The following RTN4RL1 variants were observed in gnomAD, a reference collection of about 807,000 sequenced individuals.
RTN4RL1 encodes reticulon-4 receptor-like 1.
Under a neutral mutation model 25.6 loss-of-function variants are expected in RTN4RL1, and 7 were observed. That is an observed-to-expected ratio of 0.27 (90% confidence interval 0.16 to 0.51). RTN4RL1 has a LOEUF of 0.51. Among genes scored for constraint, RTN4RL1 ranks in the 20% least tolerant of loss-of-function variants. RTN4RL1 has a pLI of 0.97. For synonymous variants in RTN4RL1, 297 were observed against 288.2 expected, an observed-to-expected ratio of 1.03 and a Z score of -0.31; for missense variants, 500 against 615.6, an observed-to-expected ratio of 0.81 and a Z score of 1.99.
chr17:1,969,294 T>A lies in RTN4RL1; in HGVS notation c.14-31486A>T, dbSNP rs1473189189. On this transcript the variant is annotated intron_variant, in intron 1 of 1. Coordinates refer to ENST00000331238, the MANE Select transcript of RTN4RL1 (RefSeq NM_178568.4). Reference sequence around the variant, plus strand: ...GGCTAGTCTTGAACTCCTGACCTTGTGATCCACCCGCCTCGGCCTCCCAAA... The same window carrying A: ...GGCTAGTCTTGAACTCCTGACCTTGAGATCCACCCGCCTCGGCCTCCCAAA... Among the ~76,000 whole-genome samples the A allele has an allele frequency of 2.0e-5, 3 of 152,200 alleles. No individual in the cohort carries two copies. The East Asian group carries it at 5.8e-4, about 29-fold the overall frequency.
intron 1 of RTN4RL1, among the ~76,000 whole-genome samples, chr17:1,947,437 C>A (rs1915580010): frequency 6.6e-6 from 1 of 152,030 alleles, no homozygotes; most frequent in African/African-American, 2.4e-5. Context: ...CTGTTCTGGG[C>A]AGAGCCACCC....
chr17:1,988,403 C>CAAAAA (rs398030159), intron 1 of RTN4RL1, among the ~76,000 whole-genome samples: 1 of 77,208 alleles, frequency 1.3e-5, no homozygotes, highest in African/African-American at 5.3e-5. Flanking sequence ...GACTCCGCCT[C>CAAAAA]AAAAAAAAAA....
intron 1 of RTN4RL1, among the ~76,000 whole-genome samples, chr17:1,957,852 A>G (rs1201337347): frequency 7.4e-6 from 1 of 135,716 alleles, no homozygotes; most frequent in East Asian, 2.1e-4. Context: ...TCAAACAACA[A>G]CAACAAAACA....
intron 1 of RTN4RL1, among the ~76,000 whole-genome samples, chr17:1,955,525 C>T (rs977222732): frequency 1.3e-5 from 2 of 151,168 alleles, no homozygotes; most frequent in African/African-American, 4.9e-5. Context: ...CACTGCACTC[C>T]AGCCTGGGTA....
chr17:1,977,086 A>G (rs879461929), intron 1 of RTN4RL1, among the ~76,000 whole-genome samples: 2 of 152,190 alleles, frequency 1.3e-5, no homozygotes, highest in Non-Finnish European at 2.9e-5. Flanking sequence ...TGTTTATGGC[A>G]GGTGATAGAT....
chr17:1,961,342 C>T (rs1235593529), intron 1 of RTN4RL1, among the ~76,000 whole-genome samples: 4 of 152,350 alleles, frequency 2.6e-5, no homozygotes, highest in South Asian at 4.1e-4. Flanking sequence ...CGGGGCAGGG[C>T]ATTCCAGGCA....
At chr17:1,967,321 G>A (rs1299911300) in intron 1 of RTN4RL1, among the ~76,000 whole-genome samples, 2 of 152,192 alleles carry the variant, frequency 1.3e-5, no homozygotes, top group Admixed American at 6.5e-5. Context: ...TTCCGCCGGA[G>A]GCCAAGGCTT....
At chr17:2,011,643 G>C (rs1304810220) in intron 1 of RTN4RL1, among the ~76,000 whole-genome samples, 1 of 152,172 alleles carries the variant, frequency 6.6e-6, no homozygotes, top group Non-Finnish European at 1.5e-5. Flanking sequence ...TGGAGGCTTT[G>C]GGAGTCCAGG....
At chr17:2,023,305 G>T (rs889504783) in intron 1 of RTN4RL1, among the ~76,000 whole-genome samples, 1 of 152,168 alleles carries the variant, frequency 6.6e-6, no homozygotes, top group African/African-American at 2.4e-5. Flanking sequence ...AGCACTGCTC[G>T]GTTGCTGAAA....
At chr17:1,972,083 A>C (rs992201173) in intron 1 of RTN4RL1, among the ~76,000 whole-genome samples, 2 of 151,970 alleles carry the variant, frequency 1.3e-5, no homozygotes, top group Non-Finnish European at 2.9e-5. Flanking sequence ...GGCTGCAGTG[A>C]ACTGTGATCA....
intron 1 of RTN4RL1, among the ~76,000 whole-genome samples, chr17:2,016,170 T>C (rs1337931642): frequency 6.6e-6 from 1 of 152,068 alleles, no homozygotes; most frequent in Non-Finnish European, 1.5e-5. Context: ...CACCTGAGGT[T>C]AGGAGTTCAA....
At chr17:1,993,224 G>A (rs1055054478) in intron 1 of RTN4RL1, among the ~76,000 whole-genome samples, 2 of 152,094 alleles carry the variant, frequency 1.3e-5, no homozygotes, top group Non-Finnish European at 2.9e-5. Context: ...CTCCAGCCTG[G>A]GTGACAGAGC....
At chr17:1,979,665 G>A (rs1339462489) in intron 1 of RTN4RL1, among the ~76,000 whole-genome samples, 1 of 152,116 alleles carries the variant, frequency 6.6e-6, no homozygotes, top group Admixed American at 6.5e-5. Flanking sequence ...TAAGATCTCT[G>A]CCTTCCTGAA....
At position 1,935,823 on chromosome 17, in the gene RTN4RL1, GC is replaced by G. The variant is rs1915291329; in HGVS notation, c.*672del. The G allele has an allele frequency of 1.0e-6, 1 of 982,712 alleles. No individual in the cohort carries two copies. The highest frequency in any genetic ancestry group is 1.2e-6 in the Non-Finnish European group (1 of 829,168). 60.9% of individuals were successfully genotyped at this position (982,712 alleles called of 1,614,324 possible). A position where few individuals can be genotyped will look rare whatever the true frequency, so the allele number is the denominator to read the frequency against. ...CTGCACCTTCTGTGAGAACCTCATT[GC>G]CCGGGATGAAGTTCTAGATTTCAGC... On this transcript the variant is annotated 3_prime_UTR_variant, in exon 2 of 2. Coordinates refer to ENST00000331238, the MANE Select transcript of RTN4RL1 (RefSeq NM_178568.4).
chr17:1,988,569 C>A (rs1482714853), intron 1 of RTN4RL1, among the ~76,000 whole-genome samples: 7 of 151,420 alleles, frequency 4.6e-5, no homozygotes, highest in African/African-American at 1.7e-4. Context: ...GATGGAACAT[C>A]CCTCCCCTCT....
At chr17:1,955,291 G>A (rs1427907488) in intron 1 of RTN4RL1, among the ~76,000 whole-genome samples, 2 of 152,096 alleles carry the variant, frequency 1.3e-5, no homozygotes, top group East Asian at 3.9e-4. Flanking sequence ...TGAGGTGGCT[G>A]ACACTTGTAA....
At chr17:1,956,732 C>T (rs1435587853) in intron 1 of RTN4RL1, among the ~76,000 whole-genome samples, 21 of 140,650 alleles carry the variant, frequency 1.5e-4, no homozygotes, top group Non-Finnish European at 4.6e-5. Flanking sequence ...GCATACCTGT[C>T]GGGAACTTTT....
In RTN4RL1 at chr17:1,951,312, G is replaced by A. The variant is rs541078504; in HGVS notation, c.14-13504C>T. Among the ~76,000 whole-genome samples the A allele has an allele frequency of 3.3e-4, 50 of 152,154 alleles. 1 individual carries two copies. Among genetic ancestry groups the A allele is most frequent in the African/African-American group, 1.1e-3 (45 of 41,512 alleles). ...ATTAACAAAAAATAGTAAACAAACA[G>A]GATTGAGGCTTTTCGCGACACAATG... On this transcript the variant is annotated intron_variant, in intron 1 of 1. Transcript: ENST00000331238.
At chr17:2,001,893 C>T (rs2066959898) in intron 1 of RTN4RL1, among the ~76,000 whole-genome samples, 1 of 147,908 alleles carries the variant, frequency 6.8e-6, no homozygotes, top group Admixed American at 6.7e-5. Flanking sequence ...CCCCCCGTCC[C>T]CGGCTCCCCT....
Sources: allele counts gnomAD v4.1 joint callset (sites outside exome capture counted in the v4.1 genomes callset), GRCh38; gene constraint gnomAD v4.1.1; transcripts MANE v1.5; gene names NCBI Gene and HGNC (gene_info 2026-07-23, HGNC 2026-07-21).